DNAH7: variants seen among roughly 807,000 people sequenced by gnomAD.
DNAH7 encodes axonemal beta dynein heavy chain 7.
Under a neutral mutation model 444.6 loss-of-function variants are expected in DNAH7, and 397 were observed. The ratio of observed to expected loss-of-function variants is 0.89; its 90% CI spans 0.82 to 0.97. The LOEUF is 0.97. Among genes scored for constraint, DNAH7 ranks in the 50% least tolerant of loss-of-function variants. DNAH7 has a pLI of 0.00. For missense variants in DNAH7, 4,902 were observed against 4,800.8 expected (o/e 1.02, Z -0.62); for synonymous variants, 1,636 against 1,624.4 (o/e 1.01, Z -0.17).
chr2:195,999,328 A>C (rs1693900256), intron 12 of DNAH7: 2 of 663,852 alleles, frequency 3.0e-6, no homozygotes, highest in Admixed American at 4.7e-5. Flanking sequence ...GAATATTCGC[A>C]CAACCAGTAT....
intron 47 of DNAH7, among the ~76,000 whole-genome samples, chr2:195,844,008 A>T (rs1201028292): frequency 6.6e-6 from 1 of 152,074 alleles, no homozygotes; most frequent in Non-Finnish European, 1.5e-5. Flanking sequence ...AGGCAGGAAA[A>T]TGTCATGAAC....
chr2:196,016,572 C>T (rs942803970), intron 9 of DNAH7, among the ~76,000 whole-genome samples: 2 of 152,124 alleles, frequency 1.3e-5, no homozygotes, highest in Non-Finnish European at 2.9e-5. Flanking sequence ...GATCCTAGCC[C>T]ATTCTCTGAA....
intron 27 of DNAH7, chr2:195,904,216 C>T (rs983426920): frequency 6.6e-6 from 1 of 152,290 alleles, no homozygotes; most frequent in Non-Finnish European, 1.5e-5. Flanking sequence ...TGGACATGCA[C>T]ATGACAGAAC....
At chr2:196,000,344 A>C (rs1294582671) in intron 12 of DNAH7, among the ~76,000 whole-genome samples, 1 of 152,156 alleles carries the variant, frequency 6.6e-6, no homozygotes, top group East Asian at 1.9e-4. Flanking sequence ...GGGGAGTAAT[A>C]AACTCGAGGA....
At chr2:195,846,956 T>TGC (rs1363006493) in intron 46 of DNAH7, among the ~76,000 whole-genome samples, 1 of 150,314 alleles carries the variant, frequency 6.7e-6, no homozygotes, top group African/African-American at 2.5e-5. Flanking sequence ...TATATGTGTG[T>TGC]GTGTGTGTGT....
chr2:195,912,255 A>G (rs915763126), intron 24 of DNAH7, among the ~76,000 whole-genome samples: 1 of 152,182 alleles, frequency 6.6e-6, no homozygotes, highest in Non-Finnish European at 1.5e-5. Context: ...GAGACTGCTC[A>G]GAAAACTCGA....
chr2:196,002,067 A>G (rs1378173033), intron 10 of DNAH7, among the ~76,000 whole-genome samples: 1 of 152,232 alleles, frequency 6.6e-6, no homozygotes, highest in Non-Finnish European at 1.5e-5. Flanking sequence ...AAAATTACTC[A>G]GTGATGTGAT....
At chr2:195,927,132 T>C (rs1559232878) in intron 21 of DNAH7, among the ~76,000 whole-genome samples, 5 of 151,938 alleles carry the variant, frequency 3.3e-5, no homozygotes, top group Admixed American at 1.3e-4. Context: ...TCATGGAGAG[T>C]TGAGGGCTGT....
intron 51 of DNAH7, among the ~76,000 whole-genome samples, chr2:195,810,139 C>T (rs1000499576): frequency 6.6e-6 from 1 of 151,768 alleles, no homozygotes; most frequent in African/African-American, 2.4e-5. Flanking sequence ...GTATATTAAT[C>T]TGTTAGATTA....
chr2:195,923,491 G>T (rs1688144571), intron 23 of DNAH7, 104 bp downstream of exon 23: 1 of 1,090,212 alleles, frequency 9.2e-7, no homozygotes, highest in Non-Finnish European at 1.4e-6. Flanking sequence ...ATCAGCAAAA[G>T]ATCTCAGATT....
chr2:195,971,849 T>C (rs537935769), intron 16 of DNAH7, among the ~76,000 whole-genome samples: 1 of 152,226 alleles, frequency 6.6e-6, no homozygotes, highest in South Asian at 2.1e-4. Context: ...AGTGAGCAAT[T>C]ATGAGGTATG....
At chr2:195,872,933 G>GA (rs1234579079) in intron 39 of DNAH7, among the ~76,000 whole-genome samples, 2 of 150,180 alleles carry the variant, frequency 1.3e-5, no homozygotes. Flanking sequence ...AAGGAAAAGA[G>GA]AAAAAAAGGA....
At chr2:195,771,634 G>GT (rs757069562) in intron 61 of DNAH7, 26 bp downstream of exon 61, 415 of 1,499,934 alleles carry the variant, frequency 2.8e-4, no homozygotes, top group African/African-American at 1.6e-3. Flanking sequence ...TTTAATGGGG[G>GT]TTTTTTTTGG....
At chr2:195,903,068 C>T (rs1443223916) in intron 27 of DNAH7, 1 of 152,078 alleles carries the variant, frequency 6.6e-6, no homozygotes, top group Admixed American at 6.6e-5. Flanking sequence ...GAGTAAATTC[C>T]AGTGCATGTA....
chr2:195,859,594 A>G (rs951265372), intron 42 of DNAH7, among the ~76,000 whole-genome samples: 6 of 152,166 alleles, frequency 3.9e-5, no homozygotes, highest in African/African-American at 1.4e-4. Flanking sequence ...AGACTGGAGT[A>G]GTAAGGAACT....
At position 195,936,230 on chromosome 2, in the gene DNAH7, T is replaced by C. The variant is rs376907987; in HGVS notation, c.3272+369A>G. 3.0e-4 allele frequency among the ~76,000 whole-genome samples: 46 copies of C among 151,688 alleles called. 2 individuals carry two copies. In the South Asian group the frequency reaches 8.6e-3, roughly 28 times the overall value. Reference sequence around the variant, plus strand: ...CCCTACTAAAAATACCAAAATTAGCTGGGCATGGTGGCGCACGCCTGTAAT... The same window carrying C: ...CCCTACTAAAAATACCAAAATTAGCCGGGCATGGTGGCGCACGCCTGTAAT... On this transcript the variant is annotated intron_variant, in intron 20 of 64. Coordinates refer to ENST00000312428, the MANE Select transcript of DNAH7 (RefSeq NM_018897.3).
Position 196,050,058 on chromosome 2 carries a change from CAAT to C in DNAH7, c.141+1126_141+1128del, listed in dbSNP as rs1464478672. On this transcript the variant is annotated intron_variant, in intron 3 of 64. Transcript: ENST00000312428. The stretch of plus-strand genomic sequence containing the variant: ...TAAATGTTCAATATAATTAATCTAA[CAAT>C]GTTAGTTCAAGTTTCCTAAGCGAAA... Among the ~76,000 whole-genome samples, 8 of 152,262 alleles carry C rather than the reference CAAT, an allele frequency of 5.3e-5. No individual in the cohort carries two copies. The East Asian group carries it at 1.5e-3, about 29-fold the overall frequency.
In DNAH7 at chr2:195,886,211, A is replaced by G; in HGVS notation, c.5468T>C (p.Phe1823Ser). The G allele has an allele frequency of 6.2e-7, 1 of 1,613,938 alleles. No individual in the cohort carries two copies. The highest frequency in any genetic ancestry group is 8.5e-7 in the Non-Finnish European group (1 of 1,179,942). The change falls in exon 34 of 65, where the codon TTT becomes TCT. Residue 1823 changes from phenylalanine (F) to serine (S), a missense_variant. Transcript: ENST00000312428. ...VRSLMNLIDC[F>S]MDDFADEVKL... Reference sequence around the variant, plus strand: ...GACTTCATCAGCAAAATCATCCATAAAACAGTCTATTAGATTCATTAAGGA... The same window carrying G: ...GACTTCATCAGCAAAATCATCCATAGAACAGTCTATTAGATTCATTAAGGA...
chr2:196,068,395 C>CT, intron 1 of DNAH7: 1 of 436,190 alleles, frequency 2.3e-6, no homozygotes, highest in East Asian at 3.6e-5. Context: ...AGCCGCCTCT[C>CT]ACCCAAGCAC....
Sources: allele counts gnomAD v4.1 joint callset (sites outside exome capture counted in the v4.1 genomes callset), GRCh38; gene constraint gnomAD v4.1.1; transcripts MANE v1.5; gene names NCBI Gene and HGNC (gene_info 2026-07-23, HGNC 2026-07-21).